The following SYNDIG1 variants were observed in gnomAD, a reference collection of about 807,000 sequenced individuals.
SYNDIG1 encodes the protein synapse differentiation inducing 1, also known as synapse differentiation-inducing gene protein 1.
Under a neutral mutation model 19.4 loss-of-function variants are expected in SYNDIG1, and 9 were observed. The observed-to-expected ratio is 0.46, with a 90% CI of 0.28 to 0.81. The LOEUF (loss-of-function observed/expected upper bound fraction) is 0.81, where lower values mean the gene tolerates loss of function less well. Among genes scored for constraint, SYNDIG1 ranks in the 30% least tolerant of loss-of-function variants. The pLI is 0.12. For synonymous variants in SYNDIG1, 141 were observed against 145.9 expected, an observed-to-expected ratio of 0.97 and a Z score of 0.24; for missense variants, 311 against 343.3, an observed-to-expected ratio of 0.91 and a Z score of 0.74.
intron 2 of SYNDIG1, among the ~76,000 whole-genome samples, chr20:24,573,042 T>C (rs1018536110): frequency 6.6e-5 from 10 of 152,110 alleles, no homozygotes; most frequent in Non-Finnish European, 1.2e-4. Context: ...TAGTCTGAAG[T>C]TTTACCCACT....
intron 1 of SYNDIG1, among the ~76,000 whole-genome samples, chr20:24,472,136 A>G (rs1020327934): frequency 6.6e-6 from 1 of 152,214 alleles, no homozygotes; most frequent in Non-Finnish European, 1.5e-5. Context: ...ATATTAAAAT[A>G]AAAATGAAGG....
intron 2 of SYNDIG1, among the ~76,000 whole-genome samples, chr20:24,567,740 A>G (rs2058074561): frequency 6.6e-6 from 1 of 152,210 alleles, no homozygotes; most frequent in Non-Finnish European, 1.5e-5. Context: ...GGCTCCTTCC[A>G]GGATGGGAGG....
chr20:24,512,846 C>T (rs1600486048), intron 1 of SYNDIG1, among the ~76,000 whole-genome samples: 1 of 152,172 alleles, frequency 6.6e-6, no homozygotes, highest in Non-Finnish European at 1.5e-5. Flanking sequence ...GGCCCCTGAC[C>T]CCCGAGTAGC....
At chr20:24,619,619 G>T (rs1357349225) in intron 3 of SYNDIG1, among the ~76,000 whole-genome samples, 5 of 152,186 alleles carry the variant, frequency 3.3e-5, no homozygotes, top group African/African-American at 9.7e-5. Context: ...CAAGAACCTT[G>T]CTATACATTG....
chr20:24,486,566 G>A (rs920306825), intron 1 of SYNDIG1, among the ~76,000 whole-genome samples: 2 of 152,206 alleles, frequency 1.3e-5, no homozygotes, highest in Non-Finnish European at 1.5e-5. Context: ...CTGGGGATTT[G>A]CAGGCATGCG....
At chr20:24,579,370 A>C (rs1454117502) in intron 2 of SYNDIG1, among the ~76,000 whole-genome samples, 1 of 152,206 alleles carries the variant, frequency 6.6e-6, no homozygotes, top group Non-Finnish European at 1.5e-5. Flanking sequence ...TAGTGGCAGA[A>C]TGTGCTTGGT....
At chr20:24,519,132 A>G (rs2056950282) in intron 1 of SYNDIG1, among the ~76,000 whole-genome samples, 1 of 152,214 alleles carries the variant, frequency 6.6e-6, no homozygotes, top group Admixed American at 6.5e-5. Flanking sequence ...TCAGCTACTG[A>G]TATTTTTTAT....
chr20:24,523,398 C>G (rs8113863), intron 1 of SYNDIG1, among the ~76,000 whole-genome samples: 1,959 of 152,300 alleles, frequency 0.013, 43 homozygotes, highest in African/African-American at 0.045. Flanking sequence ...ATGATGTCAA[C>G]TTGGTCAGGG....
intron 3 of SYNDIG1, among the ~76,000 whole-genome samples, chr20:24,591,939 A>G (rs985048606): frequency 6.6e-6 from 1 of 152,230 alleles, no homozygotes; most frequent in African/African-American, 2.4e-5. Context: ...ATAGGGAAGA[A>G]CTATAGAAGT....
chr20:24,595,714 C>A (rs776308339), intron 3 of SYNDIG1, among the ~76,000 whole-genome samples: 1 of 152,128 alleles, frequency 6.6e-6, no homozygotes, highest in Non-Finnish European at 1.5e-5. Context: ...CTGGTTCAAC[C>A]TTGGGAGATT....
intron 1 of SYNDIG1, among the ~76,000 whole-genome samples, chr20:24,493,819 CG>C (rs1568582377): frequency 6.6e-6 from 1 of 152,136 alleles, no homozygotes; most frequent in African/African-American, 2.4e-5. Context: ...GAGGCATGGC[CG>C]GGTGCTGGAG....
At chr20:24,516,996 T>A (rs2056880693) in intron 1 of SYNDIG1, among the ~76,000 whole-genome samples, 1 of 152,168 alleles carries the variant, frequency 6.6e-6, no homozygotes, top group Admixed American at 6.5e-5. Context: ...TTCATGTCCT[T>A]TGTAGGGACA....
At position 24,616,365 on chromosome 20, in the gene SYNDIG1, C is replaced by G. The variant is rs564528661; in HGVS notation, c.618+31372C>G. 4.6e-5 allele frequency among the ~76,000 whole-genome samples: 7 copies of G among 152,372 alleles called. No homozygotes were observed. In the South Asian group the frequency reaches 1.4e-3, roughly 32 times the overall value. ...CCTTCCCACCCAGCTCAAGGCCTTTCACCAAGGCCTTTCCAGGGGCTCGCG... is the reference window on the plus strand; with the variant it reads ...CCTTCCCACCCAGCTCAAGGCCTTTGACCAAGGCCTTTCCAGGGGCTCGCG... On this transcript the variant is annotated intron_variant, in intron 3 of 3. Transcript: ENST00000376862.
intron 2 of SYNDIG1, among the ~76,000 whole-genome samples, chr20:24,547,282 C>T (rs982792530): frequency 7.2e-5 from 11 of 152,376 alleles, no homozygotes; most frequent in Middle Eastern, 3.4e-3. Context: ...ATGAAGGAGC[C>T]TCTCCAGGTC....
intron 1 of SYNDIG1, among the ~76,000 whole-genome samples, chr20:24,535,252 C>T (rs139968507): frequency 2.4e-4 from 37 of 152,296 alleles, no homozygotes; most frequent in African/African-American, 8.7e-4. Flanking sequence ...CTGGTGAGAG[C>T]ATAGGAGTAG....
chr20:24,500,067 GC>G (rs1374101160), intron 1 of SYNDIG1, among the ~76,000 whole-genome samples: 2 of 152,144 alleles, frequency 1.3e-5, no homozygotes, highest in Non-Finnish European at 2.9e-5. Context: ...GCCACAGCCA[GC>G]CAGCCGTGTC....
chr20:24,634,600 A>G (rs774699864), intron 3 of SYNDIG1, among the ~76,000 whole-genome samples: 1 of 152,160 alleles, frequency 6.6e-6, no homozygotes, highest in South Asian at 2.1e-4. Context: ...TTTGTGTTTC[A>G]TTGGTTACTA....
chr20:24,484,144 C>T (rs2055888081), intron 1 of SYNDIG1, among the ~76,000 whole-genome samples: 1 of 152,036 alleles, frequency 6.6e-6, no homozygotes, highest in Non-Finnish European at 1.5e-5. Context: ...TGGCTACCTA[C>T]TGCTGCCCAG....
At chr20:24,601,600 T>C (rs2058681025) in intron 3 of SYNDIG1, among the ~76,000 whole-genome samples, 1 of 152,194 alleles carries the variant, frequency 6.6e-6, no homozygotes, top group African/African-American at 2.4e-5. Flanking sequence ...AAAATATGAA[T>C]TTGGGCCTTT....
Sources: gnomAD v4.1 joint callset for allele counts (sites outside exome capture counted in the v4.1 genomes callset) on GRCh38, gnomAD v4.1.1 for gene constraint, MANE v1.5 for transcripts, NCBI Gene and HGNC (gene_info 2026-07-23, HGNC 2026-07-21) for gene names.